FBXO40: variants seen among roughly 807,000 people sequenced by gnomAD.
The protein encoded by FBXO40 is F-box protein 40, also known as F-box only protein 40.
In FBXO40, 50 loss-of-function variants were observed where a neutral mutation model predicts 49.9. The observed-to-expected ratio is 1.00, with a 90% CI of 0.80 to 1.27. The LOEUF (loss-of-function observed/expected upper bound fraction) is 1.27. Ranked by LOEUF, FBXO40 falls within the 50% of genes most tolerant of loss-of-function variation. The pLI, the probability that FBXO40 is intolerant of heterozygous loss-of-function variation, is 0.00. For synonymous variants in FBXO40, 340 were observed against 320.2 expected (o/e 1.06, Z -0.66); for missense variants, 895 against 870.1 (o/e 1.03, Z -0.36).
chr3:121,618,136 T>G (rs969691741), intron 1 of FBXO40, among the ~76,000 whole-genome samples: 3 of 152,104 alleles, frequency 2.0e-5, no homozygotes, highest in Non-Finnish European at 4.4e-5. Flanking sequence ...CCCCAAAATA[T>G]GTACAACTAT....
At chr3:121,603,231 A>G (rs2048910279) in intron 1 of FBXO40, among the ~76,000 whole-genome samples, 1 of 152,236 alleles carries the variant, frequency 6.6e-6, no homozygotes, top group Non-Finnish European at 1.5e-5. Context: ...TCAGATTCCC[A>G]CAGGCAAGAA....
chr3:121,597,798 A>G lies in FBXO40; in HGVS notation c.-31+4296A>G, dbSNP rs1463200981. Among the ~76,000 whole-genome samples the G allele has an allele frequency of 2.0e-5, 3 of 150,924 alleles. No homozygotes were observed. In the East Asian group the frequency reaches 5.9e-4, roughly 30 times the overall value. ...AGCCTCAGTCTCCCGAGCGTCTGGG[A>G]TTACAGGTGCCTGACACCACACCCG... On this transcript the variant is annotated intron_variant, in intron 1 of 3. Transcript: ENST00000338040.
chr3:121,626,440 G>A (rs2049061659), intron 3 of FBXO40, among the ~76,000 whole-genome samples: 1 of 152,196 alleles, frequency 6.6e-6, no homozygotes, highest in Non-Finnish European at 1.5e-5. Flanking sequence ...GAGCAAGGGA[G>A]AGTGTGTGTC....
In FBXO40 at chr3:121,629,652, T is replaced by C. The variant is rs1873645; in HGVS notation, c.*2742T>C. 46,113 of 151,976 alleles carry C rather than the reference T, an allele frequency of 0.3. 7,751 individuals are homozygous for C. The highest frequency in any genetic ancestry group is 0.45 in the Admixed American group (6,802 of 15,266). The allele number at this position is 151,976 out of a possible 1,614,324, so 9.4% of individuals were successfully genotyped here. On this transcript the variant is annotated 3_prime_UTR_variant, in exon 4 of 4. Transcript: ENST00000338040. ...GAGAGTGGCACTGCCCACAACTGCT[T>C]TGTGGGTTGTGCACTTCCAGCCGCA...
Position 121,627,180 on chromosome 3 carries a change from T to A in FBXO40, c.*270T>A. On this transcript the variant is annotated 3_prime_UTR_variant, in exon 4 of 4. Transcript: ENST00000338040. The stretch of plus-strand genomic sequence containing the variant: ...TCTTTCTTTCTAAAATAGATTGGTC[T>A]GAGAAGAAAATAAGTAATTTGAGGC... 2.4e-6 allele frequency: 1 copy of A among 423,684 alleles called. No individual in the cohort carries two copies. Among genetic ancestry groups the A allele is most frequent in the Non-Finnish European group, 4.3e-6 (1 of 233,382 alleles). 26.2% of individuals were successfully genotyped at this position (423,684 alleles called of 1,614,324 possible).
At chr3:121,613,751 A>C (rs1441198627) in intron 1 of FBXO40, among the ~76,000 whole-genome samples, 2 of 152,236 alleles carry the variant, frequency 1.3e-5, no homozygotes, top group South Asian at 4.1e-4. Context: ...AGGTACAAAA[A>C]GACTAGATCC....
chr3:121,628,085 G>GA lies in FBXO40; in HGVS notation c.*1182dup, dbSNP rs2049072561. 1 of 394,702 alleles carries GA rather than the reference G, an allele frequency of 2.5e-6. No homozygotes were observed. Among genetic ancestry groups the GA allele is most frequent in the Non-Finnish European group, 4.4e-6 (1 of 224,720 alleles). The allele number at this position is 394,702 out of a possible 1,614,324, so 24.4% of individuals were successfully genotyped here. A position where few individuals can be genotyped will look rare whatever the true frequency, so the allele number is the denominator to read the frequency against. On this transcript the variant is annotated 3_prime_UTR_variant, in exon 4 of 4. Coordinates refer to ENST00000338040, the MANE Select transcript of FBXO40 (RefSeq NM_016298.4). ...AATATTCATAAGAACAAAAGTAAAA[G>GA]AAAAAAAGACACAGTAGAAACTGGC...
intron 1 of FBXO40, among the ~76,000 whole-genome samples, chr3:121,603,038 G>A (rs72955326): frequency 0.017 from 2,622 of 152,322 alleles, 77 homozygotes; most frequent in African/African-American, 0.059. Context: ...TCTGTGTCTC[G>A]TAAGGGCCTT....
chr3:121,599,727 T>A (rs908226238), intron 1 of FBXO40, among the ~76,000 whole-genome samples: 19,361 of 58,434 alleles, frequency 0.33, 2,035 homozygotes, highest in Non-Finnish European at 0.42. Flanking sequence ...TATATATATT[T>A]TTTTTTTTTT....
At chr3:121,607,687 A>T (rs1206641110) in intron 1 of FBXO40, among the ~76,000 whole-genome samples, 2 of 152,002 alleles carry the variant, frequency 1.3e-5, no homozygotes, top group Non-Finnish European at 2.9e-5. Context: ...ACACCAGTAA[A>T]TATTTGAATC....
At chr3:121,615,680 T>C (rs2877499) in intron 1 of FBXO40, among the ~76,000 whole-genome samples, 37,240 of 152,050 alleles carry the variant, frequency 0.24, 5,480 homozygotes, top group African/African-American at 0.38. Context: ...TCAGTGTTAT[T>C]GAACACCATC....
At chr3:121,615,576 A>AAAAAAAAG (rs1193194580) in intron 1 of FBXO40, among the ~76,000 whole-genome samples, 1 of 151,290 alleles carries the variant, frequency 6.6e-6, no homozygotes, top group Admixed American at 6.6e-5. Context: ...AAAAAAAAAA[A>AAAAAAAAG]AAGAAGAAGA....
chr3:121,629,751 T>A lies in FBXO40; in HGVS notation c.*2841T>A. The A allele has an allele frequency of 6.6e-6, 1 of 152,094 alleles. No homozygotes were observed. Among genetic ancestry groups the A allele is most frequent in the East Asian group, 1.9e-4 (1 of 5,190 alleles). 9.4% of individuals were successfully genotyped at this position (152,094 alleles called of 1,614,324 possible). ...TCAATAAGACAAGCACACTTCATAG[T>A]GAGAGGGCAGCGGTACCAAAGCCTT... On this transcript the variant is annotated 3_prime_UTR_variant, in exon 4 of 4. Coordinates refer to ENST00000338040, the MANE Select transcript of FBXO40 (RefSeq NM_016298.4).
intron 1 of FBXO40, among the ~76,000 whole-genome samples, chr3:121,596,419 C>T (rs998275552): frequency 6.6e-6 from 1 of 152,216 alleles, no homozygotes; most frequent in Non-Finnish European, 1.5e-5. Context: ...AAAACAGACC[C>T]TTTCCTTTCA....
At chr3:121,612,943 G>T (rs2048975113) in intron 1 of FBXO40, among the ~76,000 whole-genome samples, 1 of 151,902 alleles carries the variant, frequency 6.6e-6, no homozygotes, top group South Asian at 2.1e-4. Flanking sequence ...GGTGGCGGGT[G>T]CCTGCAGTCC....
rs199792633 is a variant in FBXO40, at chr3:121,623,091, C to T, written c.1662C>T (p.Ser554=). The T allele has an allele frequency of 5.0e-6, 8 of 1,614,132 alleles. No homozygotes were observed. In the South Asian group the frequency reaches 6.6e-5, roughly 13 times the overall value. ...AIKPEVAPEL[S]EGRKNNHLLG... is the part of the protein sequence containing the mutation. Reference sequence around the variant, plus strand: ...AGCCGGAGGTTGCTCCAGAGCTGAGCGAGGGAAGGAAGAACAACCATCTTT... The same window carrying T: ...AGCCGGAGGTTGCTCCAGAGCTGAGTGAGGGAAGGAAGAACAACCATCTTT... The change falls in exon 3 of 4, where the codon AGC becomes AGT. Residue 554 remains serine (S), a synonymous_variant. Coordinates refer to ENST00000338040, the MANE Select transcript of FBXO40 (RefSeq NM_016298.4).
At chr3:121,613,129 A>G (rs1224344519) in intron 1 of FBXO40, among the ~76,000 whole-genome samples, 1 of 151,936 alleles carries the variant, frequency 6.6e-6, no homozygotes. Context: ...CCCTTCCCTA[A>G]TAGGTTAAAA....
Position 121,622,134 on chromosome 3 carries a change from A to G in FBXO40, c.705A>G (p.Ser235=). 6.2e-7 allele frequency: 1 copy of G among 1,614,190 alleles called. No individual in the cohort carries two copies. Among genetic ancestry groups the G allele is most frequent in the Non-Finnish European group, 8.5e-7 (1 of 1,180,042 alleles). ...EHAASALTNS[S]ASCESKNKND... ...CAGCCTCTGCTTTAACAAATTCATC[A>G]GCGAGCTGTGAGAGCAAGAACAAGA... is the stretch of plus-strand genomic sequence containing the variant. Residue 235 remains serine (S), a synonymous_variant, in exon 3 of 4, where the codon TCA becomes TCG. Coordinates refer to ENST00000338040, the MANE Select transcript of FBXO40 (RefSeq NM_016298.4).
chr3:121,621,511 G>C lies in FBXO40; in HGVS notation c.82G>C (p.Glu28Gln). The C allele has an allele frequency of 6.2e-7, 1 of 1,614,184 alleles. No individual in the cohort carries two copies. The highest frequency in any genetic ancestry group is 8.5e-7 in the Non-Finnish European group (1 of 1,180,024). The change falls in exon 3 of 4, where the codon GAA becomes CAA. Residue 28 changes from glutamate to glutamine, a missense_variant. Glu to Gln is a conservative substitution (Grantham distance 29). Coordinates refer to ENST00000338040, the MANE Select transcript of FBXO40 (RefSeq NM_016298.4). The stretch of plus-strand genomic sequence containing the variant: ...CAACCGCCACTGCCACATTCCTGTG[G>C]AACCCAACACCTCCTGCCTGGTAAT... ...CFNRHCHIPV[E>Q]PNTSCLVISC...
Sources: allele counts gnomAD v4.1 joint callset (sites outside exome capture counted in the v4.1 genomes callset), GRCh38; gene constraint gnomAD v4.1.1; transcripts MANE v1.5; gene names NCBI Gene and HGNC (gene_info 2026-07-23, HGNC 2026-07-21).